PIAS2: variants seen among roughly 807,000 people sequenced by gnomAD.
The protein encoded by PIAS2 is protein inhibitor of activated STAT 2, also known as E3 SUMO-protein ligase PIAS2.
A neutral mutation model predicts 69.7 loss-of-function variants in PIAS2; 19 were observed. The observed-to-expected ratio is 0.27, with a 90% CI of 0.19 to 0.40. The LOEUF (loss-of-function observed/expected upper bound fraction) is 0.40, where lower values mean the gene tolerates loss of function less well. Among genes scored for constraint, PIAS2 ranks in the 10% least tolerant of loss-of-function variants. The pLI, the probability that PIAS2 is intolerant of heterozygous loss-of-function variation, is 1.00. For missense variants in PIAS2, 624 were observed against 757.0 expected, an observed-to-expected ratio of 0.82 and a Z score of 2.06; for synonymous variants, 261 against 263.2, an observed-to-expected ratio of 0.99 and a Z score of 0.08.
At chr18:46,841,638 T>C (rs755803449) in intron 8 of PIAS2, among the ~76,000 whole-genome samples, 1 of 152,196 alleles carries the variant, frequency 6.6e-6, no homozygotes, top group Non-Finnish European at 1.5e-5. Flanking sequence ...ACTACTACTA[T>C]AGCCCAAAGA....
chr18:46,843,044 A>C (rs1278243988), intron 8 of PIAS2, among the ~76,000 whole-genome samples: 1 of 152,244 alleles, frequency 6.6e-6, no homozygotes, highest in Non-Finnish European at 1.5e-5. Flanking sequence ...ATCTGGCAGC[A>C]TGGTATATTG....
At position 46,877,443 on chromosome 18, in the gene PIAS2, C is replaced by T. The variant is rs182997765; in HGVS notation, c.499+13137G>A. Among the ~76,000 whole-genome samples the T allele has an allele frequency of 3.1e-3, 467 of 152,278 alleles. 3 individuals carry two copies. The highest frequency in any genetic ancestry group is 0.01 in the African/African-American group (434 of 41,538). On this transcript the variant is annotated intron_variant, in intron 2 of 13. Coordinates refer to ENST00000585916, the MANE Select transcript of PIAS2 (RefSeq NM_004671.5). ...GCGAGTCCCAATCTGTAAGTCACAT[C>T]TCTTCCTTATTTGGAAAGCGTCCTC...
At chr18:46,874,998 A>G (rs2050940105) in intron 2 of PIAS2, among the ~76,000 whole-genome samples, 1 of 152,142 alleles carries the variant, frequency 6.6e-6, no homozygotes, top group South Asian at 2.1e-4. Context: ...GAGAAAAATG[A>G]GCCGTCACCC....
intron 12 of PIAS2, chr18:46,816,754 C>T: frequency 1.0e-6 from 1 of 977,360 alleles, no homozygotes; most frequent in Non-Finnish European, 1.2e-6. Flanking sequence ...AGACATAAGC[C>T]ACCGCACCCA....
At chr18:46,813,776 T>C (rs531727483) in intron 13 of PIAS2, among the ~76,000 whole-genome samples, 1 of 152,292 alleles carries the variant, frequency 6.6e-6, no homozygotes, top group East Asian at 1.9e-4. Flanking sequence ...GAACAAGTTA[T>C]TTAATGCTTT....
chr18:46,829,144 ACTCTAAGTT>A (rs1363249969), intron 10 of PIAS2, among the ~76,000 whole-genome samples: 5 of 152,092 alleles, frequency 3.3e-5, no homozygotes, highest in African/African-American at 1.2e-4. Flanking sequence ...ATAAAAAGAA[ACTCTAAGTT>A]CACCTGTGCG....
Position 46,891,075 on chromosome 18 carries a change from AC to A in PIAS2, c.25-22del, listed in dbSNP as rs61649386. 493 of 1,509,108 alleles carry A rather than the reference AC, an allele frequency of 3.3e-4. 3 individuals carry two copies. In the African/African-American group the frequency reaches 5.9e-3, roughly 18 times the overall value. The allele number at this position is 1,509,108 out of a possible 1,614,324, so 93.5% of individuals were successfully genotyped here. A position where few individuals can be genotyped will look rare whatever the true frequency, so the allele number is the denominator to read the frequency against. On this transcript the variant is annotated intron_variant, in intron 1 of 13. Transcript: ENST00000585916. ...ATATTCTAAAAGGAAAGAAAAAAAAACATAAGCCAAGTCACCCTCAAGCATA... is the reference window on the plus strand; with the variant it reads ...ATATTCTAAAAGGAAAGAAAAAAAAAATAAGCCAAGTCACCCTCAAGCATA...
chr18:46,873,887 C>T (rs1329826146), intron 2 of PIAS2, among the ~76,000 whole-genome samples: 1 of 152,154 alleles, frequency 6.6e-6, no homozygotes, highest in African/African-American at 2.4e-5. Context: ...TGCCTTTCTC[C>T]CCCTACCGCC....
intron 1 of PIAS2, among the ~76,000 whole-genome samples, chr18:46,898,092 T>C (rs532090908): frequency 3.9e-5 from 6 of 152,126 alleles, no homozygotes; most frequent in Non-Finnish European, 7.4e-5. Flanking sequence ...TGGGTCCAAG[T>C]GATCCTTCCA....
chr18:46,825,966 AT>A (rs1014818411), intron 11 of PIAS2, among the ~76,000 whole-genome samples: 7 of 152,210 alleles, frequency 4.6e-5, no homozygotes, highest in African/African-American at 1.7e-4. Context: ...CTAAGACTGA[AT>A]TCAGAATTTT....
At chr18:46,867,081 A>T (rs2049596596) in intron 2 of PIAS2, among the ~76,000 whole-genome samples, 1 of 152,058 alleles carries the variant, frequency 6.6e-6, no homozygotes, top group African/African-American at 2.4e-5. Flanking sequence ...TACATGTTGC[A>T]CATACGCAAT....
chr18:46,817,572 C>G (rs944438224), intron 12 of PIAS2: 1 of 916,470 alleles, frequency 1.1e-6, no homozygotes, highest in African/African-American at 1.8e-5. Context: ...ATTTACTTAT[C>G]TGTATATTGA....
chr18:46,889,091 G>A (rs537788519), intron 2 of PIAS2, among the ~76,000 whole-genome samples: 3 of 152,270 alleles, frequency 2.0e-5, no homozygotes, highest in Admixed American at 6.5e-5. Flanking sequence ...TAACTCAAAA[G>A]AGATCAGGCT....
At chr18:46,837,260 T>C (rs1000847471) in intron 8 of PIAS2, among the ~76,000 whole-genome samples, 9 of 152,170 alleles carry the variant, frequency 5.9e-5, no homozygotes, top group African/African-American at 2.2e-4. Context: ...ACTCAACCTT[T>C]TCAATATAAT....
chr18:46,914,133 T>A (rs2057547035), intron 1 of PIAS2, among the ~76,000 whole-genome samples: 1 of 152,226 alleles, frequency 6.6e-6, no homozygotes, highest in South Asian at 2.1e-4. Context: ...AATAAGCAAC[T>A]GGTAAATTGA....
chr18:46,885,448 G>A (rs956670226), intron 2 of PIAS2, among the ~76,000 whole-genome samples: 1 of 151,824 alleles, frequency 6.6e-6, no homozygotes, highest in African/African-American at 2.4e-5. Flanking sequence ...TTGAACTTGG[G>A]AGGCGGAGGT....
intron 3 of PIAS2, among the ~76,000 whole-genome samples, chr18:46,855,992 C>CTTTTT (rs1256937354): frequency 2.5e-4 from 17 of 69,146 alleles, no homozygotes; most frequent in African/African-American, 8.3e-4. Flanking sequence ...TTTTCTTTTT[C>CTTTTT]TTTTGTTTTT....
intron 1 of PIAS2, among the ~76,000 whole-genome samples, chr18:46,916,035 TTTACC>T (rs1279245771): frequency 6.6e-6 from 1 of 152,152 alleles, no homozygotes; most frequent in East Asian, 1.9e-4. Context: ...ATGAACACCC[TTTACC>T]TACACTTATG....
chr18:46,898,583 A>G (rs2055269463), intron 1 of PIAS2, among the ~76,000 whole-genome samples: 1 of 152,354 alleles, frequency 6.6e-6, no homozygotes, highest in African/African-American at 2.4e-5. Context: ...TATATCAAAT[A>G]CATTTTCAAA....
Sources: gnomAD v4.1 joint callset for allele counts (sites outside exome capture counted in the v4.1 genomes callset) on GRCh38, gnomAD v4.1.1 for gene constraint, MANE v1.5 for transcripts, NCBI Gene and HGNC (gene_info 2026-07-23, HGNC 2026-07-21) for gene names.